Variants in INTS10 observed in about 807,000 individuals in gnomAD.
The protein encoded by INTS10 is integrator complex subunit 10.
INTS10 carries 44 observed loss-of-function variants against 94.4 expected under a neutral mutation model. That is an observed-to-expected ratio of 0.47 (90% CI 0.37 to 0.60). The LOEUF is 0.60. Ranked by LOEUF, INTS10 falls within the 20% of genes least tolerant of loss-of-function variation. The probability of loss-of-function intolerance (pLI) is 0.00; values close to 1 mark genes in which losing one functional copy is unlikely to be tolerated. For missense variants in INTS10, 797 were observed against 868.7 expected (o/e 0.92, Z 1.04); for synonymous variants, 341 against 320.7 (o/e 1.06, Z -0.68).
chr8:19,820,116 A>C (rs1157675984), intron 3 of INTS10, among the ~76,000 whole-genome samples: 3 of 152,258 alleles, frequency 2.0e-5, no homozygotes, highest in Non-Finnish European at 4.4e-5. Context: ...CTCAACCTGC[A>C]ACAGGCATTC....
In INTS10 at chr8:19,835,178, A is replaced by G. The variant is rs1450649745; in HGVS notation, c.1530+1857A>G. Among the ~76,000 whole-genome samples the G allele has an allele frequency of 3.0e-4, 46 of 152,082 alleles. 1 individual carries two copies. The highest frequency in any genetic ancestry group is 3.0e-3 in the Admixed American group (46 of 15,270). On this transcript the variant is annotated intron_variant, in intron 12 of 16. Transcript: ENST00000397977. ...AGTGTGATACTAATCTCTTTGCTAT[A>G]TTACCTTGTATTTCTATTGTCACCA...
intron 1 of INTS10, among the ~76,000 whole-genome samples, 169 bp downstream of exon 1, chr8:19,817,835 CTCCT>C (rs2066050278): frequency 7.0e-6 from 1 of 142,320 alleles, no homozygotes; most frequent in Non-Finnish European, 1.5e-5. Flanking sequence ...CTACACCTTG[CTCCT>C]ACACCTTTCA....
At position 19,822,481 on chromosome 8, in the gene INTS10, G is replaced by T; in HGVS notation, c.484G>T (p.Glu162Ter). 1 of 1,612,174 alleles carries T rather than the reference G, an allele frequency of 6.2e-7. No homozygotes were observed. Among genetic ancestry groups the T allele is most frequent in the South Asian group, 1.1e-5 (1 of 91,012 alleles). ...ACTATTAGAGGCTGAAACTATTGAA[G>T]AACAAGAATCTCCAGTGAACTGCTT... ...EALLEAETIE[E>*]QESPVNCFRK... Residue 162 changes from glutamate (E) to a stop codon, truncating the protein, a stop_gained, in exon 5 of 17, where the codon GAA becomes TAA. Coordinates refer to ENST00000397977, the MANE Select transcript of INTS10 (RefSeq NM_018142.4). LOFTEE classifies it high-confidence loss of function.
At chr8:19,822,600 A>T in intron 5 of INTS10, 80 bp downstream of exon 5, 1 of 848,276 alleles carries the variant, frequency 1.2e-6, no homozygotes, top group Non-Finnish European at 1.9e-6. Flanking sequence ...ATAAGCTCAT[A>T]TATGAAAGGC....
chr8:19,829,365 A>T (rs1589969140), intron 9 of INTS10, among the ~76,000 whole-genome samples: 5 of 150,334 alleles, frequency 3.3e-5, no homozygotes, highest in South Asian at 4.2e-4. Context: ...TTACCTTTAC[A>T]TTTTTTTTTT....
intron 2 of INTS10, 22 bp from the exon 3 acceptor site, chr8:19,819,551 A>T: frequency 6.5e-7 from 1 of 1,549,394 alleles, no homozygotes; most frequent in Non-Finnish European, 8.8e-7. Flanking sequence ...ATTTTAATTT[A>T]ATGTATTTAT....
chr8:19,826,413 TC>T lies in INTS10; in HGVS notation c.1007-9del. The T allele has an allele frequency of 6.2e-7, 1 of 1,602,688 alleles. No homozygotes were observed. Among genetic ancestry groups the T allele is most frequent in the Non-Finnish European group, 8.5e-7 (1 of 1,175,922 alleles). ...CTGCACTGGTAAGTGTTGGTGTTTTTCCCCGTCCTTAGGTCCTAATGCCCCG... is the reference window on the plus strand; with the variant it reads ...CTGCACTGGTAAGTGTTGGTGTTTTTCCCGTCCTTAGGTCCTAATGCCCCG... On this transcript the variant is annotated splice_polypyrimidine_tract_variant and intron_variant, in intron 8 of 16. Transcript: ENST00000397977.
intron 12 of INTS10, among the ~76,000 whole-genome samples, chr8:19,834,843 G>A (rs961499606): frequency 6.6e-6 from 1 of 152,140 alleles, no homozygotes; most frequent in African/African-American, 2.4e-5. Flanking sequence ...CTGGAGGCTG[G>A]GAAGTCCAAG....
chr8:19,852,044 A>C lies in INTS10; in HGVS notation c.*239A>C, dbSNP rs892422593. 1 of 336,758 alleles carries C rather than the reference A, an allele frequency of 3.0e-6. No homozygotes were observed. Among genetic ancestry groups the C allele is most frequent in the Non-Finnish European group, 5.4e-6 (1 of 185,776 alleles). 20.9% of individuals were successfully genotyped at this position (336,758 alleles called of 1,614,324 possible). A position where few individuals can be genotyped will look rare whatever the true frequency, so the allele number is the denominator to read the frequency against. On this transcript the variant is annotated 3_prime_UTR_variant, in exon 17 of 17. Transcript: ENST00000397977. The stretch of plus-strand genomic sequence containing the variant: ...ACAAAAGTACCAATCTGTTTTGTAA[A>C]TAAAAATCATCCTAAAATTTGAAGT...
intron 13 of INTS10, among the ~76,000 whole-genome samples, chr8:19,838,728 G>T (rs973136958): frequency 3.9e-5 from 6 of 152,096 alleles, no homozygotes; most frequent in African/African-American, 1.2e-4. Context: ...AATATAGAAG[G>T]ACAATATATT....
Position 19,849,792 on chromosome 8 carries a change from T to C in INTS10, c.1977-1857T>C, listed in dbSNP as rs925273221. ...ACATTTATTAGCTGGTTTATCCTGT[T>C]CTTAAACCACAAAAGCTTACTAATT... On this transcript the variant is annotated intron_variant, in intron 16 of 16. Transcript: ENST00000397977. The surrounding 1 kb of genome is among the most constrained non-coding windows in gnomAD (Gnocchi z 4.6). 2.0e-5 allele frequency among the ~76,000 whole-genome samples: 3 copies of C among 152,222 alleles called. No homozygotes were observed. Among genetic ancestry groups the C allele is most frequent in the African/African-American group, 7.2e-5 (3 of 41,450 alleles).
In INTS10 at chr8:19,851,618, T is replaced by A; in HGVS notation, c.1977-31T>A. On this transcript the variant is annotated intron_variant, in intron 16 of 16. Coordinates refer to ENST00000397977, the MANE Select transcript of INTS10 (RefSeq NM_018142.4). This position sits in a 1 kb window ranked among gnomAD's most constrained non-coding sequence, Gnocchi z 5.0. Reference sequence around the variant, plus strand: ...CAGCGATGCTGGTGCTAACCCCTGGTCTTTGTCTGTTTCCCTATTGCTGAC... The same window carrying A: ...CAGCGATGCTGGTGCTAACCCCTGGACTTTGTCTGTTTCCCTATTGCTGAC... 6.2e-7 allele frequency: 1 copy of A among 1,612,326 alleles called. No individual in the cohort carries two copies. Among genetic ancestry groups the A allele is most frequent in the Non-Finnish European group, 8.5e-7 (1 of 1,178,480 alleles).
chr8:19,837,190 T>TA, intron 13 of INTS10, 30 bp downstream of exon 13: 1 of 1,405,112 alleles, frequency 7.1e-7, no homozygotes, highest in South Asian at 1.2e-5. Context: ...GACTATTTTG[T>TA]AAAAATAGCT....
chr8:19,836,127 C>T (rs528707452), intron 12 of INTS10, among the ~76,000 whole-genome samples: 8 of 151,712 alleles, frequency 5.3e-5, no homozygotes, highest in South Asian at 2.1e-4. Context: ...TCTACACGTT[C>T]GGCACATATA....
chr8:19,851,653 C>T lies in INTS10; in HGVS notation c.1981C>T (p.His661Tyr). ...LPNQGMLIKH[H>Y]TVTRGITKGV... ...TTTCCCTATTGCTGACCTCAGGCACCACACTGTAACTCGAGGCATCACCAA... is the reference window on the plus strand; with the variant it reads ...TTTCCCTATTGCTGACCTCAGGCACTACACTGTAACTCGAGGCATCACCAA... Residue 661 changes from histidine (H) to tyrosine (Y), a missense_variant, in exon 17 of 17, where the codon CAC becomes TAC. Transcript: ENST00000397977. The surrounding 1 kb of genome is among the most constrained non-coding windows in gnomAD (Gnocchi z 5.0). The T allele has an allele frequency of 6.2e-7, 1 of 1,614,170 alleles. No homozygotes were observed. The highest frequency in any genetic ancestry group is 1.7e-5 in the Admixed American group (1 of 60,030).
At chr8:19,819,821 G>A (rs943150268) in intron 3 of INTS10, 145 bp downstream of exon 3, 10 of 603,768 alleles carry the variant, frequency 1.7e-5, no homozygotes, top group African/African-American at 3.7e-5. Flanking sequence ...AATGTCACTC[G>A]GTTCCTTGAC....
chr8:19,831,979 C>A, intron 10 of INTS10, 49 bp from the exon 11 acceptor site: 1 of 1,065,478 alleles, frequency 9.4e-7, no homozygotes, highest in Non-Finnish European at 1.5e-6. Context: ...TTGTTTTCTG[C>A]TTCTTTGCTG....
rs1430057354 is a variant in INTS10 at position 19,851,413 on chromosome 8, T to G, written c.1977-236T>G. The stretch of plus-strand genomic sequence containing the variant: ...AAGCAGGTGGCATTTTACTGAACAA[T>G]TAAATGTTTGAAGTAACCTTTTATA... On this transcript the variant is annotated intron_variant, in intron 16 of 16. Transcript: ENST00000397977. The surrounding 1 kb of genome is among the most constrained non-coding windows in gnomAD (Gnocchi z 5.0). Among the ~76,000 whole-genome samples, 1 of 152,250 alleles carries G rather than the reference T, an allele frequency of 6.6e-6. No homozygotes were observed. Among genetic ancestry groups the G allele is most frequent in the Non-Finnish European group, 1.5e-5 (1 of 68,048 alleles).
chr8:19,832,578 C>T (rs1035679444), intron 11 of INTS10, among the ~76,000 whole-genome samples: 3 of 152,084 alleles, frequency 2.0e-5, no homozygotes, highest in Non-Finnish European at 2.9e-5. Context: ...AAAAACAAAA[C>T]GAAACAAAAA....
Sources: allele counts gnomAD v4.1 joint callset (sites outside exome capture counted in the v4.1 genomes callset), GRCh38; gene constraint gnomAD v4.1.1; non-coding constraint Gnocchi (gnomAD v3.1); transcripts MANE v1.5; gene names NCBI Gene and HGNC (gene_info 2026-07-23, HGNC 2026-07-21).